Variants in RPE65 observed in about 807,000 individuals in gnomAD.
RPE65 encodes retinoid isomerohydrolase RPE65, also known as retinoid isomerohydrolase.
A neutral mutation model predicts 68.5 loss-of-function variants in RPE65; 58 were observed. The ratio of observed to expected loss-of-function variants is 0.85; its 90% confidence interval spans 0.69 to 1.05. The LOEUF (loss-of-function observed/expected upper bound fraction) is 1.05. Ranked by LOEUF, RPE65 falls within the 50% of genes least tolerant of loss-of-function variation. RPE65 has a pLI of 0.00. For synonymous variants in RPE65, 220 were observed against 222.2 expected (o/e 0.99, Z 0.09); for missense variants, 643 against 629.9 (o/e 1.02, Z -0.22).
At chr1:68,446,643 A>T in intron 3 of RPE65, 67 bp downstream of exon 3, 2 of 1,604,420 alleles carry the variant, frequency 1.2e-6, no homozygotes, top group Non-Finnish European at 1.7e-6. Context: ...GTGAAAACTC[A>T]CATGGGAGGA....
chr1:68,440,756 A>C, intron 6 of RPE65, 97 bp downstream of exon 6: 1 of 1,505,136 alleles, frequency 6.6e-7, no homozygotes, highest in Non-Finnish European at 9.2e-7. Context: ...AACTATGCAC[A>C]AAATGCTATT....
Position 68,431,503 on chromosome 1 carries a change from T to TCCAG in RPE65, c.1207_1210dup (p.Glu404AlafsTer4), listed in dbSNP as rs62636295. On this transcript the variant is annotated frameshift_variant, in exon 11 of 14. Coordinates refer to ENST00000262340, the MANE Select transcript of RPE65 (RefSeq NM_000329.3). LOFTEE classifies it high-confidence loss of function. ...AGGCCCTGAAAAGAGAACTTCAGGC[T>TCCAG]CCAGCCAGATAGTCTCGTCACTGCA... 3 of 1,613,960 alleles carry TCCAG rather than the reference T, an allele frequency of 1.9e-6. No homozygotes were observed. Among genetic ancestry groups the TCCAG allele is most frequent in the Non-Finnish European group, 1.7e-6 (2 of 1,179,916 alleles).
chr1:68,445,393 T>C (rs1645935500), intron 3 of RPE65, among the ~76,000 whole-genome samples: 1 of 152,196 alleles, frequency 6.6e-6, no homozygotes, highest in South Asian at 2.1e-4. Flanking sequence ...TAAGTATTCT[T>C]GAATTCCATC....
chr1:68,432,826 A>G (rs1222348625), intron 10 of RPE65, among the ~76,000 whole-genome samples: 3 of 152,178 alleles, frequency 2.0e-5, no homozygotes, highest in Admixed American at 6.5e-5. Flanking sequence ...GTCTTGTAGT[A>G]GTCTAGTTGA....
chr1:68,441,651 T>TA (rs1273969320), intron 5 of RPE65, among the ~76,000 whole-genome samples: 1 of 152,178 alleles, frequency 6.6e-6, no homozygotes, highest in Admixed American at 6.6e-5. Context: ...TGCAGAAGGA[T>TA]AAATTGGGGT....
chr1:68,438,112 A>T, intron 10 of RPE65, 75 bp downstream of exon 10: 1 of 1,575,334 alleles, frequency 6.3e-7, no homozygotes, highest in Non-Finnish European at 8.7e-7. Context: ...ATGTATAAAC[A>T]TGAGGCAGGA....
intron 5 of RPE65, among the ~76,000 whole-genome samples, chr1:68,443,508 C>G (rs183576418): frequency 6.6e-6 from 1 of 152,134 alleles, no homozygotes; most frequent in Non-Finnish European, 1.5e-5. Context: ...TGCTTTTGAT[C>G]GCTTTACCCC....
intron 5 of RPE65, among the ~76,000 whole-genome samples, chr1:68,441,607 G>A (rs1035374201): frequency 3.3e-5 from 5 of 152,076 alleles, no homozygotes; most frequent in African/African-American, 7.2e-5. Flanking sequence ...CTCATAAGAA[G>A]TTTAGAACTA....
At chr1:68,436,130 T>TAAC (rs1474999141) in intron 10 of RPE65, among the ~76,000 whole-genome samples, 2 of 152,236 alleles carry the variant, frequency 1.3e-5, no homozygotes, top group African/African-American at 4.8e-5. Flanking sequence ...GTGATCCTCT[T>TAAC]TTATTTCCTT....
At chr1:68,446,605 G>T in intron 3 of RPE65, 105 bp downstream of exon 3, 1 of 1,299,024 alleles carries the variant, frequency 7.7e-7, no homozygotes, top group Non-Finnish European at 1.1e-6. Context: ...AAGAAAGTGG[G>T]TATATAGGTT....
chr1:68,431,469 A>G lies in RPE65; in HGVS notation c.1243+2T>C. 6.2e-7 allele frequency: 1 copy of G among 1,613,600 alleles called. No homozygotes were observed. Among genetic ancestry groups the G allele is most frequent in the Non-Finnish European group, 8.5e-7 (1 of 1,179,666 alleles). On this transcript the variant is annotated splice_donor_variant, in intron 11 of 13. Transcript: ENST00000262340. LOFTEE classifies it high-confidence loss of function. ...TGTGAAGTTTTCTCTAGATCATCTC[A>G]CCTTGACGAGGCCCTGAAAAGAGAA...
chr1:68,448,734 G>A, intron 1 of RPE65, 28 bp from the exon 2 acceptor site: 1 of 1,600,044 alleles, frequency 6.2e-7, no homozygotes, highest in East Asian at 2.2e-5. Flanking sequence ...TAAGGAAGAA[G>A]CCCATGTTGA....
At chr1:68,446,509 A>C (rs957128256) in intron 3 of RPE65, among the ~76,000 whole-genome samples, 3 of 152,210 alleles carry the variant, frequency 2.0e-5, no homozygotes, top group Non-Finnish European at 2.9e-5. Context: ...GTTGGACCCC[A>C]AAGCCCTAGG....
At chr1:68,440,803 C>T (rs1645896618) in intron 6 of RPE65, 50 bp downstream of exon 6, 1 of 1,604,158 alleles carries the variant, frequency 6.2e-7, no homozygotes, top group Non-Finnish European at 8.5e-7. Context: ...CAGTAACTTT[C>T]TCACAATATA....
At chr1:68,443,154 T>C (rs1271275623) in intron 5 of RPE65, among the ~76,000 whole-genome samples, 1 of 152,196 alleles carries the variant, frequency 6.6e-6, no homozygotes, top group African/African-American at 2.4e-5. Flanking sequence ...ATATTCCAAA[T>C]GTATAGCCAA....
At chr1:68,443,961 C>A (rs577159070) in intron 5 of RPE65, among the ~76,000 whole-genome samples, 82 of 152,222 alleles carry the variant, frequency 5.4e-4, no homozygotes, top group African/African-American at 2.0e-3. Context: ...TAAGAAGGGG[C>A]AAATTAGTGC....
intron 10 of RPE65, 124 bp from the exon 11 acceptor site, chr1:68,431,709 G>C (rs1557596373): frequency 1.3e-6 from 1 of 796,780 alleles, no homozygotes; most frequent in Non-Finnish European, 2.1e-6. Flanking sequence ...GGAACTGCAG[G>C]AAGCTATAGA....
At chr1:68,444,698 T>A (rs1325999856) in intron 4 of RPE65, 26 bp from the exon 5 acceptor site, 36 of 1,613,990 alleles carry the variant, frequency 2.2e-5, no homozygotes, top group Non-Finnish European at 2.9e-5. Flanking sequence ...AATTTTTCAG[T>A]CCAGTAATTT....
intron 3 of RPE65, 31 bp downstream of exon 3, chr1:68,446,676 TGAG>T: frequency 6.2e-7 from 1 of 1,613,782 alleles, no homozygotes; most frequent in Non-Finnish European, 8.5e-7. Context: ...GGCCCTACTT[TGAG>T]GAGGAGGAGT....
Sources: allele counts gnomAD v4.1 joint callset (sites outside exome capture counted in the v4.1 genomes callset), GRCh38; gene constraint gnomAD v4.1.1; transcripts MANE v1.5; gene names NCBI Gene and HGNC (gene_info 2026-07-23, HGNC 2026-07-21).